Variants in ALPK2 observed in about 807,000 individuals in gnomAD.
ALPK2 encodes the protein alpha-protein kinase 2.
ALPK2 carries 127 observed loss-of-function variants against 163.1 expected under a neutral mutation model. The observed-to-expected ratio is 0.78, with a 90% confidence interval of 0.67 to 0.90. The LOEUF is 0.90. Ranked by LOEUF, ALPK2 falls within the 40% of genes least tolerant of loss-of-function variation. ALPK2 has a pLI of 0.00. For missense variants in ALPK2, 2,360 were observed against 2,589.6 expected (o/e 0.91, Z 1.92); for synonymous variants, 953 against 959.1 (o/e 0.99, Z 0.12).
chr18:58,578,740 A>ACATGCGCGCACGCGCGCG, intron 4 of ALPK2, 74 bp downstream of exon 4: 1 of 1,118,830 alleles, frequency 8.9e-7, no homozygotes, highest in South Asian at 1.6e-5. Flanking sequence ...AGAGACACAC[A>ACATGCGCGCACGCGCGCG]CACACACACA....
intron 12 of ALPK2, among the ~76,000 whole-genome samples, chr18:58,486,909 C>T (rs1337390429): frequency 3.3e-5 from 5 of 152,232 alleles, no homozygotes; most frequent in Non-Finnish European, 1.5e-5. Flanking sequence ...ATCAAGCTCT[C>T]CTCTACCCAA....
chr18:58,612,512 C>T (rs1244648093), intron 1 of ALPK2, among the ~76,000 whole-genome samples: 1 of 152,228 alleles, frequency 6.6e-6, no homozygotes, highest in Non-Finnish European at 1.5e-5. Flanking sequence ...TTACTAATGT[C>T]TCCTACATTT....
intron 3 of ALPK2, among the ~76,000 whole-genome samples, chr18:58,593,004 C>T (rs1282375437): frequency 1.3e-5 from 2 of 152,162 alleles, no homozygotes; most frequent in African/African-American, 4.8e-5. Flanking sequence ...GTAAAAATAC[C>T]AGGGCCGGAG....
chr18:58,576,627 G>A (rs1568090582), intron 4 of ALPK2, among the ~76,000 whole-genome samples: 1 of 152,220 alleles, frequency 6.6e-6, no homozygotes, highest in Non-Finnish European at 1.5e-5. Flanking sequence ...GCCACTTGCT[G>A]TAAATTTGGC....
chr18:58,514,911 C>T (rs915482996), intron 10 of ALPK2, 82 bp downstream of exon 10: 28 of 1,053,630 alleles, frequency 2.7e-5, no homozygotes, highest in Non-Finnish European at 3.6e-5. Context: ...AACACTTGCC[C>T]TACTGTTCCT....
At position 58,537,130 on chromosome 18, in the gene ALPK2, T is replaced by G; in HGVS notation, c.3057A>C (p.Pro1019=). The G allele has an allele frequency of 6.2e-7, 1 of 1,614,168 alleles. No homozygotes were observed. Among genetic ancestry groups the G allele is most frequent in the Non-Finnish European group, 8.5e-7 (1 of 1,179,974 alleles). The change falls in exon 5 of 13, where the codon CCA becomes CCC. Residue 1019 remains proline (P), a synonymous_variant. Transcript: ENST00000361673. ...STVTIATEVH[P]AKYLAVSIPE... The stretch of plus-strand genomic sequence containing the variant: ...GAATTGACACAGCAAGGTATTTGGC[T>G]GGGTGGACTTCGGTGGCAATGGTAA...
intron 10 of ALPK2, among the ~76,000 whole-genome samples, chr18:58,513,278 G>A (rs1222792685): frequency 6.6e-6 from 1 of 151,964 alleles, no homozygotes; most frequent in African/African-American, 2.4e-5. Context: ...GTGTGTATGT[G>A]TGTTTTTTGG....
intron 10 of ALPK2, among the ~76,000 whole-genome samples, chr18:58,510,835 G>A (rs2051486448): frequency 6.6e-6 from 1 of 152,138 alleles, no homozygotes. Context: ...CTGCAAACAG[G>A]GACAATTTGA....
intron 11 of ALPK2, among the ~76,000 whole-genome samples, chr18:58,498,646 G>A (rs1395491566): frequency 2.6e-5 from 4 of 152,228 alleles, no homozygotes; most frequent in Non-Finnish European, 5.9e-5. Flanking sequence ...GAGGGACCCA[G>A]TGGGAGATAA....
In ALPK2 at chr18:58,574,290, A is replaced by C. The variant is rs573470138; in HGVS notation, c.1962+4524T>G. On this transcript the variant is annotated intron_variant, in intron 4 of 12. Transcript: ENST00000361673. ...AAACCCTGTCTCTACTAAAAAAAAA[A>C]AAACAAAAATCAGCCGGGTGTGGTG... is the stretch of plus-strand genomic sequence containing the variant. Among the ~76,000 whole-genome samples, 9 of 151,718 alleles carry C rather than the reference A, an allele frequency of 5.9e-5. No individual in the cohort carries two copies. The East Asian group carries it at 9.7e-4, about 16-fold the overall frequency.
At chr18:58,493,790 G>T (rs1036172305) in intron 12 of ALPK2, among the ~76,000 whole-genome samples, 4 of 152,208 alleles carry the variant, frequency 2.6e-5, no homozygotes, top group African/African-American at 9.6e-5. Flanking sequence ...GTAGAAAGAT[G>T]CAAGGCTGGC....
At chr18:58,498,778 C>G (rs1423679384) in intron 11 of ALPK2, among the ~76,000 whole-genome samples, 1 of 152,210 alleles carries the variant, frequency 6.6e-6, no homozygotes, top group Admixed American at 6.5e-5. Context: ...CTGTGGCCTG[C>G]TGCCATGTAA....
chr18:58,570,037 G>C (rs1419037926), intron 4 of ALPK2, among the ~76,000 whole-genome samples: 1 of 151,814 alleles, frequency 6.6e-6, no homozygotes, highest in Non-Finnish European at 1.5e-5. Flanking sequence ...GGCCGAGGCA[G>C]GAGAATTGCT....
intron 3 of ALPK2, among the ~76,000 whole-genome samples, chr18:58,605,927 A>C (rs546698057): frequency 1.9e-4 from 29 of 152,390 alleles, no homozygotes; most frequent in African/African-American, 7.0e-4. Context: ...GTTAAGCAAA[A>C]TGCTTGGCAT....
At chr18:58,610,779 C>T (rs1022935176) in intron 2 of ALPK2, among the ~76,000 whole-genome samples, 8 of 151,032 alleles carry the variant, frequency 5.3e-5, no homozygotes, top group Non-Finnish European at 1.0e-4. Flanking sequence ...CCCCTCCCCC[C>T]GTCCCTATTA....
chr18:58,481,881 G>A lies in ALPK2; in HGVS notation c.6455C>T (p.Thr2152Ile). 1 of 1,614,146 alleles carries A rather than the reference G, an allele frequency of 6.2e-7. No individual in the cohort carries two copies. Among genetic ancestry groups the A allele is most frequent in the African/African-American group, 1.3e-5 (1 of 75,024 alleles). ...QPSIGKSKVQ[T>I]NSMTIKKAGP... is the part of the protein sequence containing the mutation. ...TGCCTTCTTTATTGTCATAGAGTTT[G>A]TTTGAACTTTGCTTTTCCCAATGCT... Residue 2152 changes from threonine (T) to isoleucine (I), a missense_variant, in exon 13 of 13, where the codon ACA (threonine) becomes ATA (isoleucine). Coordinates refer to ENST00000361673, the MANE Select transcript of ALPK2 (RefSeq NM_052947.4).
rs200109707 is a variant in ALPK2, at chr18:58,537,339, T to C, written c.2848A>G (p.Asn950Asp). The C allele has an allele frequency of 3.2e-4, 517 of 1,614,116 alleles. 1 individual carries two copies. Among genetic ancestry groups the C allele is most frequent in the Admixed American group, 6.2e-4 (37 of 60,024 alleles). ...LDETQLLSSE[N>D]NPLVQFKEGG... ...TCTTTAAATTGCACTAAAGGATTGT[T>C]CTCAGAAGAAAGGAGCTGTGTTTCA... The change falls in exon 5 of 13, where the codon AAC (asparagine) becomes GAC (aspartate). Residue 950 changes from asparagine to aspartate, a missense_variant. Coordinates refer to ENST00000361673, the MANE Select transcript of ALPK2 (RefSeq NM_052947.4).
chr18:58,620,618 T>C (rs989627078), intron 1 of ALPK2, among the ~76,000 whole-genome samples: 2 of 152,198 alleles, frequency 1.3e-5, no homozygotes, highest in Non-Finnish European at 2.9e-5. Flanking sequence ...GTACATTTGC[T>C]TTTTAAAAAA....
At chr18:58,590,438 T>C (rs570865534) in intron 3 of ALPK2, among the ~76,000 whole-genome samples, 85 of 152,286 alleles carry the variant, frequency 5.6e-4, no homozygotes, top group Non-Finnish European at 8.7e-4. Context: ...TGGCTGCGAA[T>C]GTTTTGAGCC....
Sources: gnomAD v4.1 joint callset for allele counts (sites outside exome capture counted in the v4.1 genomes callset) on GRCh38, gnomAD v4.1.1 for gene constraint, MANE v1.5 for transcripts, NCBI Gene and HGNC (gene_info 2026-07-23, HGNC 2026-07-21) for gene names.